C19orf18: variants seen among roughly 807,000 people sequenced by gnomAD.
C19orf18 encodes chromosome 19 open reading frame 18, also known as uncharacterized protein C19orf18.
A neutral mutation model predicts 23.3 loss-of-function variants in C19orf18; 21 were observed. That is an observed-to-expected ratio of 0.90 (90% CI 0.64 to 1.30). C19orf18 has a LOEUF of 1.30. Among genes scored for constraint, C19orf18 ranks in the 50% most tolerant of loss-of-function variants. The probability of loss-of-function intolerance (pLI) is 0.00; values close to 1 mark genes in which losing one functional copy is unlikely to be tolerated. For synonymous variants in C19orf18, 96 were observed against 95.2 expected, an observed-to-expected ratio of 1.01 and a Z score of -0.05; for missense variants, 249 against 259.6, an observed-to-expected ratio of 0.96 and a Z score of 0.28.
At chr19:57,960,448 ACTT>A (rs1329800249) in intron 5 of C19orf18, among the ~76,000 whole-genome samples, 6 of 150,130 alleles carry the variant, frequency 4.0e-5, no homozygotes, top group African/African-American at 1.2e-4. Context: ...AAAAAAAAGA[ACTT>A]CTACAAAATC....
intron 3 of C19orf18, among the ~76,000 whole-genome samples, chr19:57,970,064 G>T (rs1396778162): frequency 1.3e-5 from 2 of 152,144 alleles, no homozygotes; most frequent in Non-Finnish European, 2.9e-5. Context: ...GAATTACAGT[G>T]TAGTTTTATG....
chr19:57,970,588 T>A (rs1368143884), intron 3 of C19orf18, among the ~76,000 whole-genome samples: 1 of 149,348 alleles, frequency 6.7e-6, no homozygotes, highest in East Asian at 1.9e-4. Flanking sequence ...TCCATATAAT[T>A]TTTTTTTTTT....
At chr19:57,963,844 G>A (rs996489611) in intron 4 of C19orf18, among the ~76,000 whole-genome samples, 3 of 152,046 alleles carry the variant, frequency 2.0e-5, no homozygotes, top group Non-Finnish European at 2.9e-5. Context: ...GAGCTGAGAT[G>A]ACGCCACTGC....
intron 5 of C19orf18, among the ~76,000 whole-genome samples, chr19:57,959,517 C>T (rs146322469): frequency 0.012 from 1,840 of 151,960 alleles, 43 homozygotes; most frequent in African/African-American, 0.042. Flanking sequence ...CCCAGCTACT[C>T]GGGAGGCTGA....
chr19:57,968,384 G>C (rs2072922652), intron 3 of C19orf18, among the ~76,000 whole-genome samples: 1 of 152,184 alleles, frequency 6.6e-6, no homozygotes, highest in Non-Finnish European at 1.5e-5. Flanking sequence ...GGAATTGTCA[G>C]GAAAGTCCTT....
chr19:57,969,458 G>T (rs765309409), intron 3 of C19orf18, among the ~76,000 whole-genome samples: 3 of 150,420 alleles, frequency 2.0e-5, no homozygotes, highest in South Asian at 2.1e-4. Flanking sequence ...GGGAGGCTGA[G>T]GCAGGAGAAT....
chr19:57,966,664 A>G, intron 3 of C19orf18, 32 bp from the exon 4 acceptor site: 1 of 1,472,740 alleles, frequency 6.8e-7, no homozygotes, highest in East Asian at 2.3e-5. Flanking sequence ...GAAGTGCTCA[A>G]AAATGTTCAT....
At chr19:57,966,347 T>C (rs1400883560) in intron 4 of C19orf18, among the ~76,000 whole-genome samples, 183 bp downstream of exon 4, 1 of 152,190 alleles carries the variant, frequency 6.6e-6, no homozygotes, top group Admixed American at 6.6e-5. Flanking sequence ...TTTTTTTTCA[T>C]GTGTATCATG....
chr19:57,969,568 A>G (rs1455571163), intron 3 of C19orf18, among the ~76,000 whole-genome samples: 273 of 23,328 alleles, frequency 0.012, 3 homozygotes, highest in African/African-American at 0.043. Context: ...AAAAAACAGA[A>G]AAAAAAAAAA....
chr19:57,962,968 G>T (rs889618198), intron 4 of C19orf18, among the ~76,000 whole-genome samples: 2 of 152,132 alleles, frequency 1.3e-5, no homozygotes, highest in East Asian at 3.9e-4. Flanking sequence ...TCGCCTCAGT[G>T]CGAAATGTAA....
intron 3 of C19orf18, among the ~76,000 whole-genome samples, chr19:57,970,512 G>T (rs2889010): frequency 6.6e-6 from 1 of 151,804 alleles, no homozygotes; most frequent in Non-Finnish European, 1.5e-5. Context: ...CATATTTGTC[G>T]AACTTCATTA....
chr19:57,965,820 C>T (rs2072903473), intron 4 of C19orf18, among the ~76,000 whole-genome samples: 1 of 151,976 alleles, frequency 6.6e-6, no homozygotes, highest in Admixed American at 6.6e-5. Flanking sequence ...GCTAGCATCT[C>T]AAACTGTGTC....
chr19:57,966,617 C>A lies in C19orf18; in HGVS notation c.284G>T (p.Arg95Ile). The stretch of plus-strand genomic sequence containing the variant: ...TAAAATTACTTTAACAAGAGCAGGT[C>A]TATGCCGAATTATTGCTAAAAAGAA... Reference protein sequence around the residue: ...FLRNKAIIRHRPALVKVILIS... With the variant: ...FLRNKAIIRHIPALVKVILIS... The change falls in exon 4 of 6, where the codon AGA becomes ATA. Residue 95 changes from arginine (R) to isoleucine (I), a missense_variant. Arg to Ile is a moderately conservative substitution (Grantham distance 97, BLOSUM62 -3). Transcript: ENST00000314391. 1 of 1,611,074 alleles carries A rather than the reference C, an allele frequency of 6.2e-7. No individual in the cohort carries two copies. Among genetic ancestry groups the A allele is most frequent in the Non-Finnish European group, 8.5e-7 (1 of 1,177,736 alleles).
chr19:57,972,190 G>C (rs1051150129), intron 3 of C19orf18, among the ~76,000 whole-genome samples: 1 of 152,236 alleles, frequency 6.6e-6, no homozygotes, highest in African/African-American at 2.4e-5. Context: ...CGCTGTGTGT[G>C]CCCATGCATT....
intron 4 of C19orf18, among the ~76,000 whole-genome samples, chr19:57,965,092 CT>C (rs1229919191): frequency 6.8e-6 from 1 of 147,956 alleles, no homozygotes; most frequent in African/African-American, 2.5e-5. Flanking sequence ...ATTGAGATTC[CT>C]TCCAGAGTAG....
At chr19:57,973,729 A>G (rs1568569397) in intron 2 of C19orf18, among the ~76,000 whole-genome samples, 1 of 151,674 alleles carries the variant, frequency 6.6e-6, no homozygotes, top group South Asian at 2.1e-4. Context: ...TGTCTCAAAA[A>G]AAAAAAAAAG....
At chr19:57,962,753 A>G (rs890694981) in intron 4 of C19orf18, among the ~76,000 whole-genome samples, 3 of 151,788 alleles carry the variant, frequency 2.0e-5, no homozygotes, top group African/African-American at 7.3e-5. Flanking sequence ...GCTACTTGGG[A>G]GGCTGAGGCA....
At chr19:57,963,747 G>A (rs1371201350) in intron 4 of C19orf18, among the ~76,000 whole-genome samples, 8 of 151,978 alleles carry the variant, frequency 5.3e-5, no homozygotes, top group East Asian at 1.9e-4. Flanking sequence ...AAAATTAGCC[G>A]GGCGTGGTGG....
chr19:57,974,225 G>A (rs775276141), intron 1 of C19orf18, 22 bp from the exon 2 acceptor site: 42 of 1,612,944 alleles, frequency 2.6e-5, no homozygotes, highest in African/African-American at 1.3e-4. Flanking sequence ...AACTTTTTGC[G>A]GTGAAATGTA....
Sources: gnomAD v4.1 joint callset for allele counts (sites outside exome capture counted in the v4.1 genomes callset) on GRCh38, gnomAD v4.1.1 for gene constraint, MANE v1.5 for transcripts, NCBI Gene and HGNC (gene_info 2026-07-23, HGNC 2026-07-21) for gene names.